RHBDL2: variants seen among roughly 807,000 people sequenced by gnomAD.
RHBDL2 encodes the protein rhomboid like 2.
In RHBDL2, 26 loss-of-function variants were observed where a neutral mutation model predicts 31.7. The ratio of observed to expected loss-of-function variants is 0.82; its 90% CI spans 0.60 to 1.14. The LOEUF is 1.14. Among genes scored for constraint, RHBDL2 ranks in the 50% most tolerant of loss-of-function variants. RHBDL2 has a pLI of 0.00. For synonymous variants in RHBDL2, 123 were observed against 127.2 expected, an observed-to-expected ratio of 0.97 and a Z score of 0.22; for missense variants, 336 against 364.4, an observed-to-expected ratio of 0.92 and a Z score of 0.63.
intron 4 of RHBDL2, among the ~76,000 whole-genome samples, chr1:38,901,204 TG>T (rs1446434548): frequency 2.0e-5 from 3 of 151,996 alleles, no homozygotes; most frequent in African/African-American, 7.2e-5. Context: ...GGCTCACACC[TG>T]TAATCCCAGC....
chr1:38,912,406 G>T (rs1033010298), intron 3 of RHBDL2, among the ~76,000 whole-genome samples: 3 of 143,996 alleles, frequency 2.1e-5, no homozygotes, highest in South Asian at 2.2e-4. Context: ...CGCCTGGCCC[G>T]TTTTTTTTTT....
rs532775389 is a variant in RHBDL2, at chr1:38,927,198, C to A, written c.-125-7861G>T. Reference sequence around the variant, plus strand: ...ATCCCAGCACTTTGGAAGGCCAAGGCGGGTGGATCACAAGGTCAGGAGATC... The same window carrying A: ...ATCCCAGCACTTTGGAAGGCCAAGGAGGGTGGATCACAAGGTCAGGAGATC... On this transcript the variant is annotated intron_variant, in intron 1 of 7. Coordinates refer to ENST00000372990, the MANE Select transcript of RHBDL2 (RefSeq NM_017821.5). 6.0e-4 allele frequency among the ~76,000 whole-genome samples: 92 copies of A among 152,204 alleles called. 1 individual carries two copies. Among genetic ancestry groups the A allele is most frequent in the Admixed American group, 5.2e-3 (80 of 15,302 alleles).
chr1:38,936,115 C>T (rs1407477899), intron 1 of RHBDL2, among the ~76,000 whole-genome samples: 1 of 152,140 alleles, frequency 6.6e-6, no homozygotes, highest in African/African-American at 2.4e-5. Context: ...ATTACCCAGG[C>T]TGGATTCAAA....
chr1:38,898,793 A>C lies in RHBDL2; in HGVS notation c.509-2724T>G, dbSNP rs180761676. ...CAGAAAACTCCAGAAAGGAGCATGC[A>C]AGGAAATTACCCAAGCCAAGGAAAG... On this transcript the variant is annotated intron_variant, in intron 4 of 7. Transcript: ENST00000372990. Among the ~76,000 whole-genome samples the C allele has an allele frequency of 5.9e-5, 9 of 152,332 alleles. No homozygotes were observed. The East Asian group carries it at 1.5e-3, about 26-fold the overall frequency.
intron 1 of RHBDL2, among the ~76,000 whole-genome samples, chr1:38,919,605 T>C (rs1643284500): frequency 6.6e-6 from 1 of 150,704 alleles, no homozygotes; most frequent in Non-Finnish European, 1.5e-5. Context: ...TAATATATAT[T>C]TTTTCTTTTT....
chr1:38,891,961 G>A (rs1285726757), intron 6 of RHBDL2, among the ~76,000 whole-genome samples: 1 of 152,264 alleles, frequency 6.6e-6, no homozygotes, highest in African/African-American at 2.4e-5. Context: ...GTCAACACCA[G>A]TTACCACCCC....
chr1:38,907,123 A>G (rs1643076271), intron 4 of RHBDL2, among the ~76,000 whole-genome samples: 1 of 152,242 alleles, frequency 6.6e-6, no homozygotes, highest in African/African-American at 2.4e-5. Context: ...CTGATTTTTT[A>G]TAATGGTGTA....
chr1:38,938,832 T>A (rs759313654), intron 1 of RHBDL2, among the ~76,000 whole-genome samples: 3 of 152,206 alleles, frequency 2.0e-5, no homozygotes, highest in Non-Finnish European at 4.4e-5. Context: ...CTTTGTATTA[T>A]AACTGTCTCC....
chr1:38,908,974 T>C (rs572106077), intron 4 of RHBDL2, among the ~76,000 whole-genome samples: 30 of 152,286 alleles, frequency 2.0e-4, no homozygotes, highest in Non-Finnish European at 3.4e-4. Flanking sequence ...CGGATGGTTT[T>C]CCCCTGGAGT....
At chr1:38,933,637 C>T (rs1643460752) in intron 1 of RHBDL2, among the ~76,000 whole-genome samples, 1 of 152,070 alleles carries the variant, frequency 6.6e-6, no homozygotes, top group Admixed American at 6.6e-5. Flanking sequence ...GGATAAGCTA[C>T]TTCCCCTCAC....
chr1:38,914,094 C>T (rs1010702891), intron 3 of RHBDL2, among the ~76,000 whole-genome samples: 4 of 149,736 alleles, frequency 2.7e-5, no homozygotes, highest in East Asian at 3.9e-4. Context: ...TCCAGCCTGG[C>T]GATAGAGCTA....
intron 4 of RHBDL2, among the ~76,000 whole-genome samples, chr1:38,908,558 C>T (rs1377856933): frequency 1.3e-5 from 2 of 151,582 alleles, no homozygotes; most frequent in African/African-American, 4.9e-5. Context: ...ATATCACTAC[C>T]CACTTAGGAG....
At chr1:38,934,008 G>A (rs1331670577) in intron 1 of RHBDL2, among the ~76,000 whole-genome samples, 2 of 152,082 alleles carry the variant, frequency 1.3e-5, no homozygotes, top group Non-Finnish European at 1.5e-5. Flanking sequence ...GATTACAGGA[G>A]TTATCCACCG....
rs1209464598 is a variant in RHBDL2 at position 38,928,141 on chromosome 1, CTT to C, written c.-125-8806_-125-8805del. Among the ~76,000 whole-genome samples, 521 of 130,294 alleles carry C rather than the reference CTT, an allele frequency of 4.0e-3. 1 individual carries two copies. The highest frequency in any genetic ancestry group is 0.015 in the African/African-American group (500 of 33,604). 85.5% of individuals were successfully genotyped at this position (130,294 alleles called of 152,430 possible). ...TTTTAAAATGTAAATTTTTTTCTTT[CTT>C]TTTTTTTTTTTTTTTTGAGACGGAG... On this transcript the variant is annotated intron_variant, in intron 1 of 7. Coordinates refer to ENST00000372990, the MANE Select transcript of RHBDL2 (RefSeq NM_017821.5).
chr1:38,924,438 C>A (rs1446550930), intron 1 of RHBDL2, among the ~76,000 whole-genome samples: 1 of 151,900 alleles, frequency 6.6e-6, no homozygotes, highest in Non-Finnish European at 1.5e-5. Flanking sequence ...ACTAAAAATA[C>A]AAAAAATTAG....
chr1:38,911,219 A>G, intron 4 of RHBDL2, 103 bp downstream of exon 4: 2 of 709,362 alleles, frequency 2.8e-6, no homozygotes, highest in Non-Finnish European at 5.0e-6. Context: ...TTAGGAGTGC[A>G]GTAAACCTTG....
At chr1:38,909,110 G>A (rs12089075) in intron 4 of RHBDL2, among the ~76,000 whole-genome samples, 3,062 of 152,116 alleles carry the variant, frequency 0.02, 99 homozygotes, top group African/African-American at 0.07. Flanking sequence ...TGTTCCTCTC[G>A]ACATCCTGCT....
intron 1 of RHBDL2, among the ~76,000 whole-genome samples, chr1:38,937,120 T>C (rs1307253197): frequency 6.6e-6 from 1 of 151,744 alleles, no homozygotes. Flanking sequence ...GCTAATTTTT[T>C]GTATTTTTAG....
intron 2 of RHBDL2, 46 bp from the exon 3 acceptor site, chr1:38,915,756 G>C: frequency 6.2e-7 from 1 of 1,608,990 alleles, no homozygotes; most frequent in Non-Finnish European, 8.5e-7. Context: ...CTTCTCCAGA[G>C]AGGGGCCCCA....
Sources: gnomAD v4.1 joint callset for allele counts (sites outside exome capture counted in the v4.1 genomes callset) on GRCh38, gnomAD v4.1.1 for gene constraint, MANE v1.5 for transcripts, NCBI Gene and HGNC (gene_info 2026-07-23, HGNC 2026-07-21) for gene names.